Variants in CNTNAP2 observed in about 807,000 individuals in gnomAD.
CNTNAP2 encodes the protein contactin associated protein 2.
A neutral mutation model predicts 155.2 loss-of-function variants in CNTNAP2; 98 were observed. The observed-to-expected ratio is 0.63, with a 90% CI of 0.54 to 0.75. CNTNAP2 has a LOEUF of 0.75. Ranked by LOEUF, CNTNAP2 falls within the 30% of genes least tolerant of loss-of-function variation. The pLI is 0.00. For synonymous variants in CNTNAP2, 651 were observed against 631.2 expected (o/e 1.03, Z -0.47); for missense variants, 1,727 against 1,688.1 (o/e 1.02, Z -0.40).
chr7:146,570,571 G>C (rs1563139339), intron 1 of CNTNAP2, among the ~76,000 whole-genome samples: 1 of 152,106 alleles, frequency 6.6e-6, no homozygotes, highest in African/African-American at 2.4e-5. Context: ...AATGGTTGAT[G>C]ATTTTCATAA....
intron 8 of CNTNAP2, among the ~76,000 whole-genome samples, chr7:147,249,604 T>TAAAAAA (rs755601249): frequency 0.076 from 5,316 of 69,754 alleles, 429 homozygotes; most frequent in East Asian, 0.32. Context: ...ACATTGGAGG[T>TAAAAAA]AAAAAAAAAA....
At chr7:147,432,111 A>G (rs1342211984) in intron 10 of CNTNAP2, among the ~76,000 whole-genome samples, 1 of 152,192 alleles carries the variant, frequency 6.6e-6, no homozygotes, top group East Asian at 1.9e-4. Flanking sequence ...GAGACCATGG[A>G]AAACTCTTTA....
At chr7:146,353,403 C>CT (rs959093129) in intron 1 of CNTNAP2, among the ~76,000 whole-genome samples, 4 of 152,170 alleles carry the variant, frequency 2.6e-5, no homozygotes, top group Non-Finnish European at 4.4e-5. Flanking sequence ...TGTTCTTGAA[C>CT]TCCAATTGTT....
At chr7:146,777,397 C>T (rs1802408537) in intron 2 of CNTNAP2, among the ~76,000 whole-genome samples, 1 of 152,152 alleles carries the variant, frequency 6.6e-6, no homozygotes, top group Non-Finnish European at 1.5e-5. Flanking sequence ...TATATCTTCA[C>T]CCTTTATGCT....
chr7:147,597,884 T>C (rs1800855800), intron 12 of CNTNAP2, among the ~76,000 whole-genome samples: 1 of 152,204 alleles, frequency 6.6e-6, no homozygotes, highest in South Asian at 2.1e-4. Flanking sequence ...CATATCCTGC[T>C]CCAGTCAATT....
chr7:147,569,441 A>G (rs1242643568), intron 12 of CNTNAP2, among the ~76,000 whole-genome samples: 4 of 152,170 alleles, frequency 2.6e-5, no homozygotes, highest in South Asian at 2.1e-4. Context: ...TCAGTCAACA[A>G]CAGACTACAT....
intron 3 of CNTNAP2, among the ~76,000 whole-genome samples, chr7:146,893,431 ATGTGTGTGTATGTATATATGTGTG>A (rs1284890038): frequency 4.0e-5 from 6 of 149,836 alleles, no homozygotes; most frequent in African/African-American, 1.2e-4. Context: ...ATATATACAT[ATGTGTGTGTATGTATATATGTGTG>A]TGTGTATATA....
intron 3 of CNTNAP2, among the ~76,000 whole-genome samples, chr7:146,881,446 T>C (rs889887338): frequency 1.3e-5 from 2 of 152,090 alleles, no homozygotes; most frequent in Non-Finnish European, 2.9e-5. Flanking sequence ...AAAATCATCT[T>C]AAGGCCCTGC....
intron 1 of CNTNAP2, among the ~76,000 whole-genome samples, chr7:146,370,259 TTAAAAAA>T (rs1795215378): frequency 8.5e-6 from 1 of 117,832 alleles, no homozygotes; most frequent in African/African-American, 4.5e-5. Context: ...CATCTCTACT[TTAAAAAA>T]AAAAAAAAAA....
intron 3 of CNTNAP2, among the ~76,000 whole-genome samples, chr7:146,961,677 C>A (rs148977747): frequency 6.6e-6 from 1 of 152,026 alleles, no homozygotes; most frequent in African/African-American, 2.4e-5. Context: ...GAATGACAGG[C>A]GGCTGATATT....
At chr7:146,419,301 T>G (rs1795978955) in intron 1 of CNTNAP2, among the ~76,000 whole-genome samples, 2 of 152,090 alleles carry the variant, frequency 1.3e-5, no homozygotes, top group Admixed American at 1.3e-4. Context: ...CCCTCATCAT[T>G]CAATTATCTC....
intron 15 of CNTNAP2, among the ~76,000 whole-genome samples, chr7:148,049,457 T>G (rs1802842823): frequency 1.3e-5 from 2 of 152,176 alleles, no homozygotes; most frequent in Non-Finnish European, 2.9e-5. Flanking sequence ...TTTTATGATA[T>G]ACAAATTTGG....
chr7:146,451,811 TATATATATATACGTATATATATAC>T (rs1319338953), intron 1 of CNTNAP2, among the ~76,000 whole-genome samples: 8 of 78,482 alleles, frequency 1.0e-4, no homozygotes, highest in Admixed American at 1.5e-4. Context: ...GTCTCTTCTA[TATATATATATACGTATATATATAC>T]ATATATATAT....
chr7:146,734,220 C>A (rs768915335), intron 1 of CNTNAP2, among the ~76,000 whole-genome samples: 4 of 151,894 alleles, frequency 2.6e-5, no homozygotes, highest in Non-Finnish European at 4.4e-5. Flanking sequence ...ATATTTGACC[C>A]CAACTGGAGA....
intron 1 of CNTNAP2, among the ~76,000 whole-genome samples, chr7:146,506,844 A>C (rs1797391717): frequency 6.6e-6 from 1 of 152,242 alleles, no homozygotes; most frequent in Non-Finnish European, 1.5e-5. Flanking sequence ...CCATGACAGC[A>C]GTCCAGGCAG....
In CNTNAP2 at chr7:148,209,188, C is replaced by T. The variant is rs1231560282; in HGVS notation, c.3011-8100C>T. Among the ~76,000 whole-genome samples, 5 of 152,076 alleles carry T rather than the reference C, an allele frequency of 3.3e-5. No individual in the cohort carries two copies. The East Asian group carries it at 9.6e-4, about 29-fold the overall frequency. The stretch of plus-strand genomic sequence containing the variant: ...TTGCCCCAGCTGGAGTGCAATGGTG[C>T]CATGATGGGTCCTTGCAGCCCCGAC... On this transcript the variant is annotated intron_variant, in intron 18 of 23. Transcript: ENST00000361727.
At chr7:147,178,082 C>T (rs919309070) in intron 8 of CNTNAP2, among the ~76,000 whole-genome samples, 11 of 152,112 alleles carry the variant, frequency 7.2e-5, no homozygotes, top group African/African-American at 2.2e-4. Context: ...CATGTCCTAA[C>T]TCCAAGAACC....
At chr7:147,925,154 A>AAGGAAG (rs1554450376) in intron 14 of CNTNAP2, among the ~76,000 whole-genome samples, 3 of 63,336 alleles carry the variant, frequency 4.7e-5, no homozygotes, top group East Asian at 5.3e-4. Flanking sequence ...AGAGAGAGAG[A>AAGGAAG]GAAGGAAGGA....
chr7:147,106,825 A>G (rs1800775764), intron 4 of CNTNAP2, among the ~76,000 whole-genome samples: 1 of 152,152 alleles, frequency 6.6e-6, no homozygotes, highest in African/African-American at 2.4e-5. Context: ...GTGGCCCCCA[A>G]AGGAATTTAT....
Sources: allele counts gnomAD v4.1 joint callset (sites outside exome capture counted in the v4.1 genomes callset), GRCh38; gene constraint gnomAD v4.1.1; transcripts MANE v1.5; gene names NCBI Gene and HGNC (gene_info 2026-07-23, HGNC 2026-07-21).